Variants in BIRC6 observed in about 807,000 individuals in gnomAD.
The protein encoded by BIRC6 is baculoviral IAP repeat containing 6.
Under a neutral mutation model 503.3 loss-of-function variants are expected in BIRC6, and 98 were observed. The observed-to-expected ratio is 0.19, with a 90% CI of 0.17 to 0.23. The LOEUF (loss-of-function observed/expected upper bound fraction) is 0.23. Among genes scored for constraint, BIRC6 ranks in the 10% least tolerant of loss-of-function variants. The probability of loss-of-function intolerance (pLI) is 1.00; values close to 1 mark genes in which losing one functional copy is unlikely to be tolerated. For missense variants in BIRC6, 5,360 were observed against 5,806.0 expected, an observed-to-expected ratio of 0.92 and a Z score of 2.50; for synonymous variants, 2,240 against 2,078.7, an observed-to-expected ratio of 1.08 and a Z score of -2.11.
rs535358939 is a variant in BIRC6 at position 32,583,747 on chromosome 2, CT to C, written c.13355+8382del. On this transcript the variant is annotated intron_variant, in intron 66 of 73. Transcript: ENST00000421745. ...AAACGTATTGTAATTTTTTTTCCCC[CT>C]GAGACAGTCTCTCACTCTGTCGCCC... is the stretch of plus-strand genomic sequence containing the variant. Among the ~76,000 whole-genome samples, 12 of 152,132 alleles carry C rather than the reference CT, an allele frequency of 7.9e-5. No individual in the cohort carries two copies. In the South Asian group the frequency reaches 1.5e-3, roughly 18 times the overall value.
chr2:32,579,165 G>A (rs963925812), intron 66 of BIRC6, among the ~76,000 whole-genome samples: 1 of 151,166 alleles, frequency 6.6e-6, no homozygotes, highest in East Asian at 1.9e-4. Flanking sequence ...TTGAAATGAT[G>A]TGTATGTTGT....
chr2:32,518,762 A>G (rs2055333329), intron 56 of BIRC6, 55 bp from the exon 57 acceptor site: 1 of 1,554,964 alleles, frequency 6.4e-7, no homozygotes, highest in Admixed American at 1.7e-5. Context: ...TTATTTTATA[A>G]CAATATGTAT....
intron 33 of BIRC6, 105 bp downstream of exon 33, chr2:32,473,344 TCTTAG>T (rs2049316312): frequency 1.1e-6 from 1 of 922,312 alleles, no homozygotes; most frequent in African/African-American, 1.7e-5. Flanking sequence ...TTTAATGGGC[TCTTAG>T]CTTAGGAAAA....
At chr2:32,464,844 G>A (rs762633031) in intron 25 of BIRC6, 21 bp downstream of exon 25, 1 of 1,576,276 alleles carries the variant, frequency 6.3e-7, no homozygotes, top group African/African-American at 1.4e-5. Flanking sequence ...TTTTAAATAG[G>A]TGTTGGCTTA....
chr2:32,549,226 T>G, intron 64 of BIRC6, 87 bp from the exon 65 acceptor site: 1 of 898,096 alleles, frequency 1.1e-6, no homozygotes, highest in Non-Finnish European at 1.6e-6. Context: ...ATATGTACTC[T>G]TAGTATTCAG....
chr2:32,419,943 G>T (rs1337884412), intron 10 of BIRC6, among the ~76,000 whole-genome samples: 2 of 152,116 alleles, frequency 1.3e-5, no homozygotes, highest in East Asian at 1.9e-4. Context: ...TCAAATACTT[G>T]TTTACATCCA....
At chr2:32,364,754 G>A (rs1303861822) in intron 1 of BIRC6, among the ~76,000 whole-genome samples, 6 of 149,976 alleles carry the variant, frequency 4.0e-5, no homozygotes, top group African/African-American at 9.8e-5. Context: ...GGTTTAGATC[G>A]GGTGTTTTTT....
At chr2:32,514,100 C>T (rs2054750338) in intron 54 of BIRC6, among the ~76,000 whole-genome samples, 1 of 152,046 alleles carries the variant, frequency 6.6e-6, no homozygotes, top group Non-Finnish European at 1.5e-5. Context: ...ATGGGAGGAT[C>T]ACTTGAAACG....
chr2:32,401,996 G>T (rs55788900), intron 8 of BIRC6, among the ~76,000 whole-genome samples: 1 of 152,046 alleles, frequency 6.6e-6, no homozygotes, highest in Non-Finnish European at 1.5e-5. Flanking sequence ...TTCAGTTTCC[G>T]TTTTTTCATT....
chr2:32,490,474 G>T (rs562749227), intron 43 of BIRC6, among the ~76,000 whole-genome samples: 31 of 152,310 alleles, frequency 2.0e-4, no homozygotes, highest in African/African-American at 7.5e-4. Flanking sequence ...GGCGAAGTTT[G>T]CAGTGAGCTT....
At chr2:32,510,042 C>T (rs763868499) in intron 52 of BIRC6, 48 bp downstream of exon 52, 7 of 1,594,678 alleles carry the variant, frequency 4.4e-6, no homozygotes, top group South Asian at 3.4e-5. Context: ...TGTAAAGTAA[C>T]AGCAGTTGAA....
chr2:32,599,633 A>G (rs2061920098), intron 69 of BIRC6, 106 bp from the exon 70 acceptor site: 5 of 1,181,262 alleles, frequency 4.2e-6, no homozygotes, highest in East Asian at 4.8e-5. Flanking sequence ...GTGGGACTCC[A>G]TCTCCAAAAA....
chr2:32,453,702 T>A, intron 22 of BIRC6, 106 bp from the exon 23 acceptor site: 1 of 1,098,948 alleles, frequency 9.1e-7, no homozygotes, highest in Non-Finnish European at 1.3e-6. Context: ...GAGTTGTGTA[T>A]TTATATGTTC....
At chr2:32,598,097 T>C in intron 69 of BIRC6, 129 bp downstream of exon 69, 3 of 921,450 alleles carry the variant, frequency 3.3e-6, no homozygotes, top group Non-Finnish European at 4.7e-6. Context: ...TGGTGACCAT[T>C]TTTAGACGGC....
chr2:32,615,761 A>T (rs541073415), intron 73 of BIRC6, among the ~76,000 whole-genome samples: 1 of 152,174 alleles, frequency 6.6e-6, no homozygotes, highest in African/African-American at 2.4e-5. Context: ...CAGCCTCCCA[A>T]GTACCTGGGA....
At chr2:32,611,387 T>C in intron 72 of BIRC6, 61 bp from the exon 73 acceptor site, 1 of 1,435,154 alleles carries the variant, frequency 7.0e-7, no homozygotes, top group Non-Finnish European at 9.4e-7. Context: ...TAATGTCATT[T>C]ACTGTGTCTT....
chr2:32,617,653 T>A, intron 73 of BIRC6, 72 bp from the exon 74 acceptor site: 1 of 1,456,882 alleles, frequency 6.9e-7, no homozygotes. Context: ...TTGTTGAAAT[T>A]CAGTTCCTGC....
chr2:32,603,576 C>T (rs1229503511), intron 71 of BIRC6, among the ~76,000 whole-genome samples: 5 of 152,024 alleles, frequency 3.3e-5, no homozygotes, highest in African/African-American at 7.2e-5. Flanking sequence ...TACAATTAGC[C>T]GGACGAGGTG....
chr2:32,583,197 A>G (rs1042575953), intron 66 of BIRC6, among the ~76,000 whole-genome samples: 5 of 152,212 alleles, frequency 3.3e-5, no homozygotes, highest in Admixed American at 2.0e-4. Context: ...GGTGGCAGCT[A>G]GGGGTGTTTA....
Sources: allele counts gnomAD v4.1 joint callset (sites outside exome capture counted in the v4.1 genomes callset), GRCh38; gene constraint gnomAD v4.1.1; transcripts MANE v1.5; gene names NCBI Gene and HGNC (gene_info 2026-07-23, HGNC 2026-07-21).